The following MLLT3 variants were observed in gnomAD, a reference collection of about 807,000 sequenced individuals.
MLLT3 encodes the protein protein AF-9.
MLLT3 carries 4 observed loss-of-function variants against 53.2 expected under a neutral mutation model. The observed-to-expected ratio is 0.08, with a 90% CI of 0.04 to 0.17. The LOEUF (loss-of-function observed/expected upper bound fraction) is 0.17. Ranked by LOEUF, MLLT3 falls within the 10% of genes least tolerant of loss-of-function variation. MLLT3 has a pLI of 1.00. For missense variants in MLLT3, 569 were observed against 684.0 expected (o/e 0.83, Z 1.87); for synonymous variants, 283 against 230.6 (o/e 1.23, Z -2.06).
At chr9:20,360,668 A>G in intron 8 of MLLT3, 74 bp downstream of exon 8, 1 of 1,262,558 alleles carries the variant, frequency 7.9e-7, no homozygotes, top group Non-Finnish European at 1.2e-6. Context: ...CAGGGATGAA[A>G]GTTTTGCATG....
intron 5 of MLLT3, among the ~76,000 whole-genome samples, chr9:20,401,177 T>C (rs1265069796): frequency 1.3e-5 from 2 of 152,182 alleles, no homozygotes; most frequent in African/African-American, 4.8e-5. Context: ...CCTAAAATTA[T>C]AGATTTCCTT....
intron 2 of MLLT3, among the ~76,000 whole-genome samples, chr9:20,521,411 C>T (rs1362862703): frequency 6.6e-6 from 1 of 151,786 alleles, no homozygotes; most frequent in Non-Finnish European, 1.5e-5. Flanking sequence ...AGAATTTGTT[C>T]CTCAAAAAAA....
intron 2 of MLLT3, among the ~76,000 whole-genome samples, chr9:20,521,363 A>T (rs932994282): frequency 3.9e-5 from 6 of 152,106 alleles, no homozygotes; most frequent in African/African-American, 1.4e-4. Context: ...GAGCCACTGC[A>T]CCCAGCCTAA....
At chr9:20,405,420 T>C (rs1361059526) in intron 5 of MLLT3, among the ~76,000 whole-genome samples, 1 of 152,228 alleles carries the variant, frequency 6.6e-6, no homozygotes, top group Non-Finnish European at 1.5e-5. Context: ...CAAAAGTGTT[T>C]AGTCAATATC....
intron 2 of MLLT3, among the ~76,000 whole-genome samples, chr9:20,512,681 T>C (rs1297923313): frequency 6.6e-6 from 1 of 152,256 alleles, no homozygotes; most frequent in Non-Finnish European, 1.5e-5. Context: ...TTTTTGGTTT[T>C]TTAATGCAGC....
intron 2 of MLLT3, among the ~76,000 whole-genome samples, chr9:20,456,987 A>T (rs1268401736): frequency 6.6e-6 from 1 of 152,120 alleles, no homozygotes; most frequent in Non-Finnish European, 1.5e-5. Flanking sequence ...TGTAAAGCAG[A>T]TATGTAAGTC....
chr9:20,344,494 T>C lies in MLLT3; in HGVS notation c.*1949A>G, dbSNP rs1820816770. The C allele has an allele frequency of 4.6e-6, 1 of 219,544 alleles. No homozygotes were observed. The highest frequency in any genetic ancestry group is 9.2e-6 in the Non-Finnish European group (1 of 109,248). 13.6% of individuals were successfully genotyped at this position (219,544 alleles called of 1,614,324 possible). Reference sequence around the variant, plus strand: ...ACCACACAATTCATCAATCACCTAATGTCCAAAATGACTCAAAGTTTCTCT... The same window carrying C: ...ACCACACAATTCATCAATCACCTAACGTCCAAAATGACTCAAAGTTTCTCT... On this transcript the variant is annotated 3_prime_UTR_variant, in exon 11 of 11. Coordinates refer to ENST00000380338, the MANE Select transcript of MLLT3 (RefSeq NM_004529.4).
chr9:20,413,902 G>A lies in MLLT3; in HGVS notation c.944C>T (p.Pro315Leu). The A allele has an allele frequency of 6.2e-7, 1 of 1,613,728 alleles. No individual in the cohort carries two copies. Among genetic ancestry groups the A allele is most frequent in the Non-Finnish European group, 8.5e-7 (1 of 1,179,948 alleles). The change falls in exon 5 of 11, where the codon CCA (proline) becomes CTA (leucine). Residue 315 changes from proline to leucine, a missense_variant. Around this residue, in one of 5 missense-constraint regions of MLLT3, gnomAD observed 437 missense variants for 376.5 expected, o/e 1.16. Transcript: ENST00000380338. ...GTCAGCAGAACAAGTGAGTATCAGT[G>A]GTGGTGCGCTAGAAAAACTTTTAAA... ...ALFKSFSSAP[P>L]LILTCSADKK...
intron 10 of MLLT3, among the ~76,000 whole-genome samples, chr9:20,351,373 T>C (rs1821026038): frequency 6.6e-6 from 1 of 152,196 alleles, no homozygotes; most frequent in Non-Finnish European, 1.5e-5. Context: ...AGGTTACATA[T>C]GTTCAATCTC....
Position 20,448,892 on chromosome 9 carries a change from C to T in MLLT3, c.277-626G>A, listed in dbSNP as rs1414312145. 6.6e-6 allele frequency among the ~76,000 whole-genome samples: 1 copy of T among 152,138 alleles called. No homozygotes were observed. Among genetic ancestry groups the T allele is most frequent in the East Asian group, 1.9e-4 (1 of 5,198 alleles). ...TCTGGCTCTTGGCTTCATATTCCAC[C>T]ATTCCCCTTCTGTCCATCTGATGGC... On this transcript the variant is annotated intron_variant, in intron 3 of 10. Coordinates refer to ENST00000380338, the MANE Select transcript of MLLT3 (RefSeq NM_004529.4). This position sits in a 1 kb window ranked among gnomAD's most constrained non-coding sequence, Gnocchi z 4.0.
intron 4 of MLLT3, among the ~76,000 whole-genome samples, chr9:20,418,655 G>C (rs1822935311): frequency 6.6e-6 from 1 of 152,098 alleles, no homozygotes; most frequent in South Asian, 2.1e-4. Context: ...GCCCAGGCTG[G>C]AATGCAGTGG....
intron 5 of MLLT3, among the ~76,000 whole-genome samples, chr9:20,397,931 A>T (rs927369097): frequency 4.6e-5 from 7 of 152,146 alleles, no homozygotes; most frequent in Non-Finnish European, 1.0e-4. Flanking sequence ...CAAAGACACA[A>T]CTAAGACCCT....
chr9:20,399,177 C>T (rs564841659), intron 5 of MLLT3, among the ~76,000 whole-genome samples: 1 of 152,290 alleles, frequency 6.6e-6, no homozygotes, highest in African/African-American at 2.4e-5. Flanking sequence ...TTCTCTCACT[C>T]ATGTGACCTG....
At chr9:20,489,963 T>C (rs759502310) in intron 2 of MLLT3, among the ~76,000 whole-genome samples, 5 of 152,120 alleles carry the variant, frequency 3.3e-5, no homozygotes, top group African/African-American at 1.2e-4. Context: ...TAACAACCAA[T>C]GGCAAGTACT....
intron 2 of MLLT3, among the ~76,000 whole-genome samples, chr9:20,481,963 C>G (rs1354806735): frequency 2.0e-5 from 3 of 152,136 alleles, no homozygotes; most frequent in African/African-American, 7.2e-5. Context: ...ACCAAGGTCT[C>G]AAGAACATGC....
chr9:20,603,977 T>C (rs776297657), intron 2 of MLLT3, among the ~76,000 whole-genome samples: 1 of 152,048 alleles, frequency 6.6e-6, no homozygotes, highest in Non-Finnish European at 1.5e-5. Context: ...TAAAATTGTT[T>C]AAGAAGTATT....
chr9:20,369,121 A>ACCC (rs1821528432), intron 5 of MLLT3, among the ~76,000 whole-genome samples: 1 of 152,204 alleles, frequency 6.6e-6, no homozygotes, highest in African/African-American at 2.4e-5. Flanking sequence ...GGTAATGATG[A>ACCC]TGCTGCAGGT....
intron 2 of MLLT3, among the ~76,000 whole-genome samples, chr9:20,567,508 G>A (rs1320503288): frequency 6.6e-6 from 1 of 152,058 alleles, no homozygotes; most frequent in Non-Finnish European, 1.5e-5. Flanking sequence ...CTCTGTTTTA[G>A]TAAATCTTCA....
intron 2 of MLLT3, among the ~76,000 whole-genome samples, chr9:20,532,238 A>T (rs1444793291): frequency 2.6e-5 from 4 of 152,126 alleles, no homozygotes; most frequent in Non-Finnish European, 4.4e-5. Context: ...CCTCGCAAAC[A>T]TTCACCAGCA....
Sources: allele counts gnomAD v4.1 joint callset (sites outside exome capture counted in the v4.1 genomes callset), GRCh38; gene constraint gnomAD v4.1.1; regional missense constraint gnomAD v4.1.1; non-coding constraint Gnocchi (gnomAD v3.1); transcripts MANE v1.5; gene names NCBI Gene and HGNC (gene_info 2026-07-23, HGNC 2026-07-21).